Variants in RAB15 observed in about 807,000 individuals in gnomAD.
RAB15 encodes the protein RAB15, member RAS oncogene family.
Under a neutral mutation model 31.8 loss-of-function variants are expected in RAB15, and 13 were observed. That is an observed-to-expected ratio of 0.41 (90% CI 0.27 to 0.65). The LOEUF (loss-of-function observed/expected upper bound fraction) is 0.65. RAB15 is among the 30% of genes least tolerant of loss of function. RAB15 has a pLI of 0.32. For missense variants in RAB15, 220 were observed against 277.3 expected, an observed-to-expected ratio of 0.79 and a Z score of 1.47; for synonymous variants, 100 against 105.6, an observed-to-expected ratio of 0.95 and a Z score of 0.33.
intron 1 of RAB15, among the ~76,000 whole-genome samples, chr14:64,963,500 C>T (rs1886968976): frequency 6.6e-6 from 1 of 152,194 alleles, no homozygotes; most frequent in South Asian, 2.1e-4. Context: ...ACCACAGAGG[C>T]AGCCAAGACC....
rs1886469086 is a variant in RAB15 at position 64,955,097 on chromosome 14, C to T, written c.125-2526G>A. ...TCGCAGCACTCCCCGGCCTCACACA[C>T]ACCCCACCATCTTGCAACCTAGGTC... On this transcript the variant is annotated intron_variant, in intron 1 of 6. Transcript: ENST00000533601. The surrounding 1 kb of genome is among the most constrained non-coding windows in gnomAD (Gnocchi z 4.4). Among the ~76,000 whole-genome samples, 1 of 152,154 alleles carries T rather than the reference C, an allele frequency of 6.6e-6. No homozygotes were observed. Among genetic ancestry groups the T allele is most frequent in the Non-Finnish European group, 1.5e-5 (1 of 68,034 alleles).
chr14:64,965,526 G>A (rs562510319), intron 1 of RAB15, among the ~76,000 whole-genome samples: 10 of 152,232 alleles, frequency 6.6e-5, no homozygotes, highest in Admixed American at 3.3e-4. Context: ...GAGGAATTAC[G>A]TGTCCAGGAA....
At position 64,950,122 on chromosome 14, in the gene RAB15, T is replaced by C. The variant is rs1181918077; in HGVS notation, c.414+203A>G. Among the ~76,000 whole-genome samples, 1 of 152,182 alleles carries C rather than the reference T, an allele frequency of 6.6e-6. No individual in the cohort carries two copies. Among genetic ancestry groups the C allele is most frequent in the Non-Finnish European group, 1.5e-5 (1 of 68,028 alleles). On this transcript the variant is annotated intron_variant, in intron 5 of 6. Coordinates refer to ENST00000533601, the MANE Select transcript of RAB15 (RefSeq NM_001308154.2). The surrounding 1 kb of genome is among the most constrained non-coding windows in gnomAD (Gnocchi z 5.6). ...TGCCTATGACGTCTTTGTTTCTGGA[T>C]GGACCCCGAATCTCTGGGCTTCTGT... is the stretch of plus-strand genomic sequence containing the variant.
At position 64,951,587 on chromosome 14, in the gene RAB15, C is replaced by T. The variant is rs372423854; in HGVS notation, c.246+16G>A. ...TGGCAGCTTCCCACTTTGAAACCCC[C>T]AATGTGGTGGCTTACCTGGGCCCGC... On this transcript the variant is annotated intron_variant, in intron 3 of 6. Coordinates refer to ENST00000533601, the MANE Select transcript of RAB15 (RefSeq NM_001308154.2). The surrounding 1 kb of genome is among the most constrained non-coding windows in gnomAD (Gnocchi z 7.2). The T allele has an allele frequency of 1.3e-5, 21 of 1,613,282 alleles. No individual in the cohort carries two copies. The African/African-American group carries it at 2.8e-4, about 22-fold the overall frequency.
Position 64,952,655 on chromosome 14 carries a change from G to T in RAB15, c.125-84C>A. Reference sequence around the variant, plus strand: ...AAGGGCCAGGCAATCACACTTGAAAGGTTTCCTTTCAGTTTAATTTGGCAA... The same window carrying T: ...AAGGGCCAGGCAATCACACTTGAAATGTTTCCTTTCAGTTTAATTTGGCAA... On this transcript the variant is annotated intron_variant, in intron 1 of 6. Transcript: ENST00000533601. This position sits in a 1 kb window ranked among gnomAD's most constrained non-coding sequence, Gnocchi z 4.2. 1 of 1,012,932 alleles carries T rather than the reference G, an allele frequency of 9.9e-7. No homozygotes were observed. Among genetic ancestry groups the T allele is most frequent in the Admixed American group, 2.0e-5 (1 of 49,500 alleles). 62.7% of individuals were successfully genotyped at this position (1,012,932 alleles called of 1,614,324 possible).
At chr14:64,964,915 G>C (rs1412841588) in intron 1 of RAB15, among the ~76,000 whole-genome samples, 3 of 151,458 alleles carry the variant, frequency 2.0e-5, no homozygotes, top group African/African-American at 7.3e-5. Context: ...CCTTTCTATA[G>C]TTCATGGTGC....
intron 1 of RAB15, among the ~76,000 whole-genome samples, chr14:64,967,236 AAAAG>A (rs1887185692): frequency 6.6e-6 from 1 of 152,128 alleles, no homozygotes; most frequent in Non-Finnish European, 1.5e-5. Flanking sequence ...CTTTCAAAAC[AAAAG>A]GTCCAGGGAC....
rs557370200 is a variant in RAB15 at position 64,970,154 on chromosome 14, C to G, written c.124+1799G>C. 9.2e-5 allele frequency among the ~76,000 whole-genome samples: 14 copies of G among 152,344 alleles called. No individual in the cohort carries two copies. The highest frequency in any genetic ancestry group is 3.4e-4 in the African/African-American group (14 of 41,580). On this transcript the variant is annotated intron_variant, in intron 1 of 6. Coordinates refer to ENST00000533601, the MANE Select transcript of RAB15 (RefSeq NM_001308154.2). The surrounding 1 kb of genome is among the most constrained non-coding windows in gnomAD (Gnocchi z 4.1). ...TCTTCAGGCCAAAGCCAGGGCCTCC[C>G]AGGCAGCCCACAGCTCTCTGGAGAT...
Position 64,951,528 on chromosome 14 carries a change from A to C in RAB15, c.246+75T>G. 6 of 1,336,290 alleles carry C rather than the reference A, an allele frequency of 4.5e-6. No homozygotes were observed. The South Asian group carries it at 7.0e-5, about 16-fold the overall frequency. 82.8% of individuals were successfully genotyped at this position (1,336,290 alleles called of 1,614,324 possible). A position where few individuals can be genotyped will look rare whatever the true frequency, so the allele number is the denominator to read the frequency against. On this transcript the variant is annotated intron_variant, in intron 3 of 6. Transcript: ENST00000533601. This position sits in a 1 kb window ranked among gnomAD's most constrained non-coding sequence, Gnocchi z 7.2. ...ACTGTATTTAGGGGATCCGTGGCAC[A>C]GACATCTCAAATACCCAGAGCTGGG...
At position 64,966,209 on chromosome 14, in the gene RAB15, A is replaced by G. The variant is rs1300879542; in HGVS notation, c.124+5744T>C. ...TCCTTGGTTTCTGTCTGTTTTGGTC[A>G]CCACTGTGTCCCCAAATCTTAGCAT... On this transcript the variant is annotated intron_variant, in intron 1 of 6. Coordinates refer to ENST00000533601, the MANE Select transcript of RAB15 (RefSeq NM_001308154.2). 2.0e-5 allele frequency among the ~76,000 whole-genome samples: 3 copies of G among 152,360 alleles called. No individual in the cohort carries two copies. In the South Asian group the frequency reaches 6.2e-4, roughly 32 times the overall value.
At position 64,952,567 on chromosome 14, in the gene RAB15, A is replaced by G. The variant is rs573729346; in HGVS notation, c.129T>C (p.Val43=). 88 of 1,610,368 alleles carry G rather than the reference A, an allele frequency of 5.5e-5. 1 individual carries two copies. The South Asian group carries it at 8.8e-4, about 16-fold the overall frequency. The change falls in exon 2 of 7, where the codon GTT becomes GTC. Residue 43 remains valine, a synonymous_variant. Coordinates refer to ENST00000533601, the MANE Select transcript of RAB15 (RefSeq NM_001308154.2). This position sits in a 1 kb window ranked among gnomAD's most constrained non-coding sequence, Gnocchi z 4.2. ...FHSSHISTIG[V]DFKMKTIEVD... is the part of the protein sequence containing the mutation. ...CCTCTATGGTCTTCATCTTAAAGTCAACACCTGAAGAAAGGAAGAAAGAAA... is the reference window on the plus strand; with the variant it reads ...CCTCTATGGTCTTCATCTTAAAGTCGACACCTGAAGAAAGGAAGAAAGAAA...
chr14:64,965,719 A>C (rs1466231945), intron 1 of RAB15, among the ~76,000 whole-genome samples: 1 of 152,186 alleles, frequency 6.6e-6, no homozygotes, highest in Non-Finnish European at 1.5e-5. Context: ...ATCAGCTTTC[A>C]TGTTATAAAG....
intron 1 of RAB15, among the ~76,000 whole-genome samples, chr14:64,969,446 A>C (rs781721995): frequency 6.6e-6 from 1 of 152,270 alleles, no homozygotes; most frequent in Non-Finnish European, 1.5e-5. Context: ...GAGAATCCCA[A>C]GTCCCTTAAT....
At position 64,952,592 on chromosome 14, in the gene RAB15, A is replaced by C. The variant is rs1886319916; in HGVS notation, c.125-21T>G. The C allele has an allele frequency of 1.9e-6, 3 of 1,565,408 alleles. No homozygotes were observed. The highest frequency in any genetic ancestry group is 2.6e-6 in the Non-Finnish European group (3 of 1,137,962). On this transcript the variant is annotated intron_variant, in intron 1 of 6. Coordinates refer to ENST00000533601, the MANE Select transcript of RAB15 (RefSeq NM_001308154.2). The surrounding 1 kb of genome is among the most constrained non-coding windows in gnomAD (Gnocchi z 4.2). Reference sequence around the variant, plus strand: ...AACACCTGAAGAAAGGAAGAAAGAAAGAAAGTTAGAAAGCGTACCCACGAG... The same window carrying C: ...AACACCTGAAGAAAGGAAGAAAGAACGAAAGTTAGAAAGCGTACCCACGAG...
At position 64,955,934 on chromosome 14, in the gene RAB15, G is replaced by A. The variant is rs181743968; in HGVS notation, c.125-3363C>T. Among the ~76,000 whole-genome samples, 122 of 152,296 alleles carry A rather than the reference G, an allele frequency of 8.0e-4. 2 individuals are homozygous for A. Among genetic ancestry groups the A allele is most frequent in the Admixed American group, 7.5e-3 (114 of 15,290 alleles). On this transcript the variant is annotated intron_variant, in intron 1 of 6. Coordinates refer to ENST00000533601, the MANE Select transcript of RAB15 (RefSeq NM_001308154.2). This position sits in a 1 kb window ranked among gnomAD's most constrained non-coding sequence, Gnocchi z 4.4. ...ACTTCCAGGTGCATGAGAATCACGC[G>A]GGGATTGAGTTAAAATGCAGATTCT...
rs567573410 is a variant in RAB15 at position 64,952,179 on chromosome 14, G to T, written c.185+332C>A. On this transcript the variant is annotated intron_variant, in intron 2 of 6. Transcript: ENST00000533601. The surrounding 1 kb of genome is among the most constrained non-coding windows in gnomAD (Gnocchi z 4.2). Reference sequence around the variant, plus strand: ...CTCTCAGGGTCTCGCCCTAAATGATGGGGGGTGTAGCCTCCTTCCTTCCAA... The same window carrying T: ...CTCTCAGGGTCTCGCCCTAAATGATTGGGGGTGTAGCCTCCTTCCTTCCAA... Among the ~76,000 whole-genome samples, 1 of 152,132 alleles carries T rather than the reference G, an allele frequency of 6.6e-6. No homozygotes were observed. Among genetic ancestry groups the T allele is most frequent in the Non-Finnish European group, 1.5e-5 (1 of 68,004 alleles).
intron 1 of RAB15, among the ~76,000 whole-genome samples, chr14:64,964,683 C>A (rs111372722): frequency 0.27 from 40,176 of 151,314 alleles, 5,693 homozygotes; most frequent in East Asian, 0.56. Flanking sequence ...TCAAGCAATT[C>A]TCCTGCCTCA....
At position 64,950,897 on chromosome 14, in the gene RAB15, G is replaced by C; in HGVS notation, c.324+177C>G. ...CCGTGGAGGCCTGGCAGGGTATAGAGAGTGAGGGCATGGCAGCTTCGGTTT... is the reference window on the plus strand; with the variant it reads ...CCGTGGAGGCCTGGCAGGGTATAGACAGTGAGGGCATGGCAGCTTCGGTTT... On this transcript the variant is annotated intron_variant, in intron 4 of 6. Coordinates refer to ENST00000533601, the MANE Select transcript of RAB15 (RefSeq NM_001308154.2). This position sits in a 1 kb window ranked among gnomAD's most constrained non-coding sequence, Gnocchi z 5.6. The C allele has an allele frequency of 3.0e-6, 4 of 1,332,096 alleles. No individual in the cohort carries two copies. Among genetic ancestry groups the C allele is most frequent in the Non-Finnish European group, 3.2e-6 (3 of 935,572 alleles). The allele number at this position is 1,332,096 out of a possible 1,614,324, so 82.5% of individuals were successfully genotyped here. A position where few individuals can be genotyped will look rare whatever the true frequency, so the allele number is the denominator to read the frequency against.
intron 1 of RAB15, among the ~76,000 whole-genome samples, chr14:64,957,103 A>AT (rs113823879): frequency 1.9e-3 from 276 of 144,826 alleles, no homozygotes; most frequent in Middle Eastern, 7.1e-3. Flanking sequence ...TGCCCAGCTA[A>AT]TTTTTTTTTT....
Sources: allele counts gnomAD v4.1 joint callset (sites outside exome capture counted in the v4.1 genomes callset), GRCh38; gene constraint gnomAD v4.1.1; non-coding constraint Gnocchi (gnomAD v3.1); transcripts MANE v1.5; gene names NCBI Gene and HGNC (gene_info 2026-07-23, HGNC 2026-07-21).